EML2: variants seen among roughly 807,000 people sequenced by gnomAD.
EML2 encodes the protein echinoderm microtubule-associated protein-like 2.
Under a neutral mutation model 84.7 loss-of-function variants are expected in EML2, and 59 were observed. The ratio of observed to expected loss-of-function variants is 0.70; its 90% confidence interval spans 0.56 to 0.86. The LOEUF is 0.86. EML2 is among the 40% of genes least tolerant of loss of function. The pLI, the probability that EML2 is intolerant of heterozygous loss-of-function variation, is 0.00. For synonymous variants in EML2, 352 were observed against 348.9 expected, an observed-to-expected ratio of 1.01 and a Z score of -0.10; for missense variants, 818 against 855.6, an observed-to-expected ratio of 0.96 and a Z score of 0.55.
rs530434981 is a variant in EML2 at position 45,632,281 on chromosome 19, G to A, written c.510+580C>T. Reference sequence around the variant, plus strand: ...CGACTCACTGCAAACTCCCCCTCCCGGGTTCAAGCGATTCTCCTGCCTCAG... The same window carrying A: ...CGACTCACTGCAAACTCCCCCTCCCAGGTTCAAGCGATTCTCCTGCCTCAG... On this transcript the variant is annotated intron_variant, in intron 6 of 18. Transcript: ENST00000245925. 3.3e-5 allele frequency among the ~76,000 whole-genome samples: 5 copies of A among 150,174 alleles called. No homozygotes were observed. The South Asian group carries it at 8.6e-4, about 26-fold the overall frequency.
At chr19:45,612,737 T>C (rs999830386) in intron 18 of EML2, among the ~76,000 whole-genome samples, 36 of 152,066 alleles carry the variant, frequency 2.4e-4, no homozygotes, top group African/African-American at 8.7e-4. Flanking sequence ...GAAATAAATA[T>C]ACCAAATCTG....
chr19:45,634,336 G>T lies in EML2; in HGVS notation c.315C>A (p.Asn105Lys). 1 of 1,613,240 alleles carries T rather than the reference G, an allele frequency of 6.2e-7. No individual in the cohort carries two copies. The highest frequency in any genetic ancestry group is 1.1e-5 in the South Asian group (1 of 91,074). The change falls in exon 4 of 19, where the codon AAC becomes AAA. Residue 105 changes from asparagine to lysine, a missense_variant. Coordinates refer to ENST00000245925, the MANE Select transcript of EML2 (RefSeq NM_012155.4). The stretch of plus-strand genomic sequence containing the variant: ...CCACATCTCACCATTTGATGTCATC[G>T]TTGTGTCCCAGGTAGTGTCGCTGCC... ...EQRQRHYLGH[N>K]DDIKCLAIHP... is the part of the protein sequence containing the mutation.
At chr19:45,641,137 GC>G, upstream of EML2, 1 of 155,562 alleles carries the variant, frequency 6.4e-6, no homozygotes, top group South Asian at 1.8e-4. Flanking sequence ...ACCTGGCAGT[GC>G]CCCCCGATTT....
intron 7 of EML2, among the ~76,000 whole-genome samples, chr19:45,627,256 CTTT>C (rs72487266): frequency 3.7e-5 from 5 of 135,604 alleles, no homozygotes; most frequent in Admixed American, 7.5e-5. Context: ...TGCGCCCGGC[CTTT>C]TTTTTTTTTT....
At chr19:45,639,050 C>A in intron 1 of EML2, 177 bp from the exon 2 acceptor site, 1 of 840,408 alleles carries the variant, frequency 1.2e-6, no homozygotes, top group Non-Finnish European at 2.1e-6. Flanking sequence ...TCTTGCAGAG[C>A]CTAAGACACA....
intron 16 of EML2, 77 bp downstream of exon 16, chr19:45,615,725 T>A (rs1970975627): frequency 1.5e-4 from 177 of 1,168,866 alleles, no homozygotes; most frequent in Non-Finnish European, 2.1e-4. Context: ...TTGAAGCCCC[T>A]CCCTCCCCTC....
In EML2 at chr19:45,615,879, C is replaced by G. The variant is rs780708456; in HGVS notation, c.1520G>C (p.Ser507Thr). Residue 507 changes from serine to threonine, a missense_variant, in exon 16 of 19, where the codon AGT becomes ACT. By Grantham distance (58) the Ser-to-Thr change is moderately conservative (BLOSUM62 1). Transcript: ENST00000245925. ...GGCCCAATCCAGGTGGGTGATAAAA[C>G]TGGAATGGCCCTGCGGGGGAGGGAA... is the stretch of plus-strand genomic sequence containing the variant. The part of the protein sequence containing the change: ...SRLGKCSGHS[S>T]FITHLDWAQD... 15 of 1,613,756 alleles carry G rather than the reference C, an allele frequency of 9.3e-6. No homozygotes were observed. The highest frequency in any genetic ancestry group is 1.3e-5 in the African/African-American group (1 of 74,872).
chr19:45,609,407 A>T lies in EML2; in HGVS notation c.*256T>A. 2.8e-6 allele frequency: 1 copy of T among 352,114 alleles called. No individual in the cohort carries two copies. The highest frequency in any genetic ancestry group is 5.2e-6 in the Non-Finnish European group (1 of 192,394). 21.8% of individuals were successfully genotyped at this position (352,114 alleles called of 1,614,324 possible). On this transcript the variant is annotated 3_prime_UTR_variant, in exon 19 of 19. Coordinates refer to ENST00000245925, the MANE Select transcript of EML2 (RefSeq NM_012155.4). ...CATAGACCCTGACACACCTTAGTGT[A>T]CGTGTCTTTATTTCTGGATGATATA...
chr19:45,610,569 G>A (rs1400679887), intron 18 of EML2, among the ~76,000 whole-genome samples: 1 of 152,194 alleles, frequency 6.6e-6, no homozygotes, highest in African/African-American at 2.4e-5. Flanking sequence ...CTGGCGTGGT[G>A]GCTCATGCTT....
intron 9 of EML2, among the ~76,000 whole-genome samples, chr19:45,623,129 G>A (rs901872021): frequency 1.3e-5 from 2 of 151,424 alleles, no homozygotes; most frequent in African/African-American, 2.4e-5. Context: ...GGAGGCCGAG[G>A]TGGGCGGATC....
chr19:45,616,366 G>A, intron 15 of EML2, 95 bp downstream of exon 15: 5 of 880,282 alleles, frequency 5.7e-6, no homozygotes, highest in Non-Finnish European at 7.2e-6. Context: ...AATCAGTTGA[G>A]TGTTGAAGCT....
At chr19:45,645,210 G>C, upstream of EML2, 1 of 1,488,662 alleles carries the variant, frequency 6.7e-7, no homozygotes, top group African/African-American at 1.4e-5. Context: ...GAGGAGGCTG[G>C]GGCAAGAAGA....
chr19:45,637,917 T>C, intron 3 of EML2, among the ~76,000 whole-genome samples: 1 of 152,106 alleles, frequency 6.6e-6, no homozygotes, highest in East Asian at 1.9e-4. Context: ...CCTCAGGTGA[T>C]CTGCCCACCT....
At position 45,638,953 on chromosome 19, in the gene EML2, C is replaced by G. The variant is rs995612128; in HGVS notation, c.21-80G>C. Reference sequence around the variant, plus strand: ...GGGAGAAACCATTCCTCCACCCCCACCGCTCCCCGGAGGTCTCCGATGAAA... The same window carrying G: ...GGGAGAAACCATTCCTCCACCCCCAGCGCTCCCCGGAGGTCTCCGATGAAA... On this transcript the variant is annotated intron_variant, in intron 1 of 18. Coordinates refer to ENST00000245925, the MANE Select transcript of EML2 (RefSeq NM_012155.4). The G allele has an allele frequency of 1.9e-6, 3 of 1,547,990 alleles. No homozygotes were observed. In the East Asian group the frequency reaches 6.7e-5, roughly 35 times the overall value.
chr19:45,638,968 C>A, intron 1 of EML2, 95 bp from the exon 2 acceptor site: 1 of 1,475,152 alleles, frequency 6.8e-7, no homozygotes, highest in South Asian at 1.1e-5. Context: ...CCCCGGAGGT[C>A]TCCGATGAAA....
chr19:45,620,905 C>T (rs892983719), intron 11 of EML2: 4 of 478,096 alleles, frequency 8.4e-6, no homozygotes, highest in Admixed American at 2.5e-5. Flanking sequence ...GGTGTGTGGC[C>T]AGGGTGTCTG....
upstream of EML2, chr19:45,643,679 G>T: frequency 6.5e-7 from 1 of 1,535,838 alleles, no homozygotes; most frequent in South Asian, 1.2e-5. Flanking sequence ...GCTCGCCCCT[G>T]CCATCCCGCG....
chr19:45,634,986 G>A (rs2122775156), intron 3 of EML2, among the ~76,000 whole-genome samples: 1 of 151,930 alleles, frequency 6.6e-6, no homozygotes, highest in Non-Finnish European at 1.5e-5. Context: ...GAGTATCTGG[G>A]ATTACAGACA....
At chr19:45,632,788 G>T in intron 6 of EML2, 73 bp downstream of exon 6, 2 of 1,310,348 alleles carry the variant, frequency 1.5e-6, no homozygotes, top group Non-Finnish European at 2.2e-6. Context: ...CCCAAGGGGC[G>T]GGTGAAAAGG....
Sources: allele counts gnomAD v4.1 joint callset (sites outside exome capture counted in the v4.1 genomes callset), GRCh38; gene constraint gnomAD v4.1.1; transcripts MANE v1.5; gene names NCBI Gene and HGNC (gene_info 2026-07-23, HGNC 2026-07-21).